NUBPL: variants seen among roughly 807,000 people sequenced by gnomAD.
NUBPL encodes NUBP iron-sulfur cluster assembly factor, mitochondrial, also known as iron-sulfur cluster transfer protein NUBPL.
Under a neutral mutation model 45.7 loss-of-function variants are expected in NUBPL, and 31 were observed. The ratio of observed to expected loss-of-function variants is 0.68; its 90% CI spans 0.51 to 0.92. The LOEUF (loss-of-function observed/expected upper bound fraction) is 0.92, where lower values mean the gene tolerates loss of function less well. Ranked by LOEUF, NUBPL falls within the 40% of genes least tolerant of loss-of-function variation. The pLI, the probability that NUBPL is intolerant of heterozygous loss-of-function variation, is 0.00. For missense variants in NUBPL, 401 were observed against 398.7 expected (o/e 1.01, Z -0.05); for synonymous variants, 144 against 140.9 (o/e 1.02, Z -0.15).
At chr14:31,622,794 G>C (rs1182967675) in intron 4 of NUBPL, among the ~76,000 whole-genome samples, 1 of 152,266 alleles carries the variant, frequency 6.6e-6, no homozygotes, top group African/African-American at 2.4e-5. Flanking sequence ...GAAGTCTGCT[G>C]CAGGGGCAGA....
In NUBPL at chr14:31,859,265, A is replaced by T. The variant is rs2040674841; in HGVS notation, c.*85A>T. 1.0e-6 allele frequency: 1 copy of T among 976,714 alleles called. No homozygotes were observed. Among genetic ancestry groups the T allele is most frequent in the Non-Finnish European group, 1.7e-6 (1 of 605,350 alleles). The allele number at this position is 976,714 out of a possible 1,614,324, so 60.5% of individuals were successfully genotyped here. On this transcript the variant is annotated 3_prime_UTR_variant, in exon 11 of 11. Transcript: ENST00000281081. ...GCAATGTGGTGATGGAACCTACAGA[A>T]ATAATAGAAATCATAACTGTTTTAT...
chr14:31,858,467 G>T (rs997283512), intron 10 of NUBPL, among the ~76,000 whole-genome samples: 8 of 152,160 alleles, frequency 5.3e-5, no homozygotes, highest in African/African-American at 1.7e-4. Flanking sequence ...CTCTTAAAAT[G>T]CAAATATCAT....
intron 6 of NUBPL, among the ~76,000 whole-genome samples, chr14:31,703,562 T>C (rs1040843683): frequency 2.6e-5 from 4 of 152,180 alleles, no homozygotes; most frequent in Non-Finnish European, 5.9e-5. Context: ...AAGTTACCTC[T>C]TACATGGATG....
intron 4 of NUBPL, among the ~76,000 whole-genome samples, chr14:31,644,410 A>G (rs1179964874): frequency 2.0e-5 from 3 of 151,864 alleles, no homozygotes; most frequent in Non-Finnish European, 4.4e-5. Flanking sequence ...TCATTGACCC[A>G]TTGGTCATTC....
At chr14:31,647,858 A>T (rs2035898522) in intron 4 of NUBPL, among the ~76,000 whole-genome samples, 1 of 152,172 alleles carries the variant, frequency 6.6e-6, no homozygotes, top group Non-Finnish European at 1.5e-5. Flanking sequence ...TACCCATTGA[A>T]AATGTGGACT....
intron 8 of NUBPL, among the ~76,000 whole-genome samples, chr14:31,830,569 A>C (rs1388653174): frequency 6.6e-6 from 1 of 152,222 alleles, no homozygotes; most frequent in Non-Finnish European, 1.5e-5. Context: ...TTTCTTCTAG[A>C]AAGCTTTTCC....
At chr14:31,719,210 G>C (rs2037754695) in intron 6 of NUBPL, among the ~76,000 whole-genome samples, 1 of 152,180 alleles carries the variant, frequency 6.6e-6, no homozygotes, top group Non-Finnish European at 1.5e-5. Flanking sequence ...TCGCCAGAGA[G>C]TGTCATACTG....
intron 4 of NUBPL, among the ~76,000 whole-genome samples, chr14:31,653,598 T>C (rs1264299677): frequency 6.6e-6 from 1 of 152,186 alleles, no homozygotes; most frequent in African/African-American, 2.4e-5. Flanking sequence ...ATCGCTGTTA[T>C]TCTGTTCTTT....
intron 4 of NUBPL, among the ~76,000 whole-genome samples, chr14:31,642,924 A>G (rs1398769972): frequency 2.0e-5 from 3 of 152,200 alleles, no homozygotes; most frequent in East Asian, 3.9e-4. Flanking sequence ...GCTCTTGCAG[A>G]TGGACTGCTT....
chr14:31,707,473 C>G (rs2037479343), intron 6 of NUBPL, among the ~76,000 whole-genome samples: 1 of 152,224 alleles, frequency 6.6e-6, no homozygotes, highest in Non-Finnish European at 1.5e-5. Flanking sequence ...CTCTTCCTCT[C>G]TTTGTACTTC....
chr14:31,713,864 A>G (rs956743302), intron 6 of NUBPL, among the ~76,000 whole-genome samples: 13 of 152,118 alleles, frequency 8.5e-5, no homozygotes, highest in Admixed American at 5.9e-4. Flanking sequence ...AACTTTCTCA[A>G]TTACCAGCCA....
In NUBPL at chr14:31,695,447, A is replaced by T. The variant is rs150751010; in HGVS notation, c.513+21873A>T. ...AACTGTTCCCAGTTTCCCACTCACT[A>T]TGGTTTGGGTGTTGGTCACCTCCAA... On this transcript the variant is annotated intron_variant, in intron 6 of 10. Coordinates refer to ENST00000281081, the MANE Select transcript of NUBPL (RefSeq NM_025152.3). Among the ~76,000 whole-genome samples, 74 of 150,444 alleles carry T rather than the reference A, an allele frequency of 4.9e-4. 1 individual carries two copies. Among genetic ancestry groups the T allele is most frequent in the African/African-American group, 1.7e-3 (71 of 40,932 alleles).
chr14:31,816,155 A>G (rs2039910922), intron 7 of NUBPL, among the ~76,000 whole-genome samples: 2 of 152,166 alleles, frequency 1.3e-5, no homozygotes, highest in Non-Finnish European at 2.9e-5. Flanking sequence ...CTGTGAATCC[A>G]TCTGATCCTC....
At chr14:31,617,443 A>G (rs1302145905) in intron 4 of NUBPL, among the ~76,000 whole-genome samples, 1 of 152,178 alleles carries the variant, frequency 6.6e-6, no homozygotes, top group African/African-American at 2.4e-5. Flanking sequence ...ATTTTGAGAT[A>G]TGTTCCATCA....
intron 3 of NUBPL, among the ~76,000 whole-genome samples, chr14:31,571,835 T>C (rs1489655996): frequency 6.6e-6 from 1 of 152,226 alleles, no homozygotes; most frequent in Non-Finnish European, 1.5e-5. Flanking sequence ...ATAAGTTTTA[T>C]AATAGGAAAT....
chr14:31,732,018 C>T (rs982458652), intron 6 of NUBPL, among the ~76,000 whole-genome samples: 19 of 151,368 alleles, frequency 1.3e-4, no homozygotes, highest in Non-Finnish European at 2.4e-4. Context: ...CTGGCTAAAA[C>T]GGTGAAATCC....
intron 6 of NUBPL, among the ~76,000 whole-genome samples, chr14:31,760,296 G>C (rs1465530456): frequency 6.6e-6 from 1 of 151,800 alleles, no homozygotes; most frequent in Non-Finnish European, 1.5e-5. Context: ...TGGGGCTACA[G>C]GTGTGTACCA....
chr14:31,637,617 G>C (rs1460577108), intron 4 of NUBPL, among the ~76,000 whole-genome samples: 1 of 152,196 alleles, frequency 6.6e-6, no homozygotes, highest in Non-Finnish European at 1.5e-5. Context: ...ACTTGGTGCA[G>C]AGCTGAGTTC....
chr14:31,831,036 T>A (rs2040180712), intron 8 of NUBPL, among the ~76,000 whole-genome samples: 1 of 59,948 alleles, frequency 1.7e-5, no homozygotes, highest in South Asian at 6.2e-4. Flanking sequence ...CCCTAATCCT[T>A]TTTATTTATT....
Sources: gnomAD v4.1 joint callset for allele counts (sites outside exome capture counted in the v4.1 genomes callset) on GRCh38, gnomAD v4.1.1 for gene constraint, MANE v1.5 for transcripts, NCBI Gene and HGNC (gene_info 2026-07-23, HGNC 2026-07-21) for gene names.